Variants in TSEN15 observed in about 807,000 individuals in gnomAD.
TSEN15 encodes the protein tRNA-splicing endonuclease subunit Sen15.
A neutral mutation model predicts 20.5 loss-of-function variants in TSEN15; 10 were observed. The ratio of observed to expected loss-of-function variants is 0.49; its 90% CI spans 0.30 to 0.83. The LOEUF is 0.83. Ranked by LOEUF, TSEN15 falls within the 40% of genes least tolerant of loss-of-function variation. TSEN15 has a pLI of 0.06. For missense variants in TSEN15, 180 were observed against 218.6 expected, an observed-to-expected ratio of 0.82 and a Z score of 1.11; for synonymous variants, 72 against 80.1, an observed-to-expected ratio of 0.90 and a Z score of 0.54.
rs1224878206 is a variant in TSEN15 at position 184,054,871 on chromosome 1, G to C, written c.353+8G>C. 2 of 1,606,506 alleles carry C rather than the reference G, an allele frequency of 1.2e-6. No homozygotes were observed. The highest frequency in any genetic ancestry group is 3.4e-5 in the Admixed American group (2 of 58,500). ...TTCCCTCAGCCATAACAGGTGAGCA[G>C]GTGATTTTGGTCTAAGTTCCTTTCC... On this transcript the variant is annotated splice_region_variant and intron_variant, in intron 3 of 4. Transcript: ENST00000645668.
chr1:184,082,796 A>G (rs1405275593), intron 3 of TSEN15, among the ~76,000 whole-genome samples: 1 of 152,122 alleles, frequency 6.6e-6, no homozygotes, highest in East Asian at 1.9e-4. Context: ...GTTTTTGCCA[A>G]GATTTTAGAT....
At chr1:184,082,350 G>A (rs993717830) in intron 3 of TSEN15, among the ~76,000 whole-genome samples, 2 of 152,058 alleles carry the variant, frequency 1.3e-5, no homozygotes, top group Admixed American at 6.6e-5. Context: ...GGGACATGTT[G>A]GGGAACTTTC....
At chr1:184,060,698 G>GTC (rs1420237643) in intron 3 of TSEN15, among the ~76,000 whole-genome samples, 1 of 152,142 alleles carries the variant, frequency 6.6e-6, no homozygotes, top group African/African-American at 2.4e-5. Context: ...CATACAAAAA[G>GTC]CTGAGGTTAA....
chr1:184,093,175 A>G (rs141421096), intron 3 of TSEN15, among the ~76,000 whole-genome samples: 2 of 152,342 alleles, frequency 1.3e-5, no homozygotes, highest in African/African-American at 2.4e-5. Flanking sequence ...GGCAGCAAAA[A>G]GAGATGATAT....
At chr1:184,052,986 A>G (rs928111445) in intron 1 of TSEN15, among the ~76,000 whole-genome samples, 1 of 152,330 alleles carries the variant, frequency 6.6e-6, no homozygotes, top group Admixed American at 6.5e-5. Flanking sequence ...TACGGTTGTT[A>G]CAGGATTAAA....
chr1:184,078,546 G>C (rs1197329468), downstream of TSEN15, among the ~76,000 whole-genome samples: 1 of 152,040 alleles, frequency 6.6e-6, no homozygotes, highest in African/African-American at 2.4e-5. Flanking sequence ...TTCTTTTCTG[G>C]AGTCTCTAAT....
intron 4 of TSEN15, 113 bp downstream of exon 4, chr1:184,072,411 A>G: frequency 2.0e-6 from 2 of 1,012,428 alleles, no homozygotes; most frequent in Non-Finnish European, 2.7e-6. Flanking sequence ...CCATAGGGAA[A>G]ATTCAAGAAA....
At chr1:184,065,463 C>G (rs1640139314) in intron 3 of TSEN15, among the ~76,000 whole-genome samples, 1 of 152,154 alleles carries the variant, frequency 6.6e-6, no homozygotes, top group African/African-American at 2.4e-5. Flanking sequence ...TATTCATCAT[C>G]ACATACAGAA....
intron 3 of TSEN15, chr1:184,095,076 C>T (rs566490058): frequency 1.0e-4 from 40 of 398,658 alleles, no homozygotes; most frequent in East Asian, 5.0e-4. Flanking sequence ...GCTGAGACTG[C>T]GAGCTCTTGG....
intron 3 of TSEN15, among the ~76,000 whole-genome samples, chr1:184,086,513 C>T (rs1440450646): frequency 2.0e-5 from 3 of 152,182 alleles, no homozygotes; most frequent in African/African-American, 4.8e-5. Context: ...CTTTTTGGCT[C>T]AGGGTCTCTC....
intron 3 of TSEN15, chr1:184,095,310 C>A: frequency 2.5e-6 from 1 of 393,014 alleles, no homozygotes; most frequent in Non-Finnish European, 4.5e-6. Context: ...CCGCTAACAA[C>A]TTATTGTTGG....
chr1:184,058,149 A>T (rs751869576), intron 3 of TSEN15: 1 of 428,514 alleles, frequency 2.3e-6, no homozygotes, highest in South Asian at 1.7e-5. Context: ...GTTAATTTCT[A>T]GTATTTTCCA....
intron 1 of TSEN15, among the ~76,000 whole-genome samples, chr1:184,053,954 T>C (rs1458857596): frequency 4.6e-5 from 7 of 152,226 alleles, no homozygotes; most frequent in Non-Finnish European, 1.0e-4. Context: ...ATCCCACCTT[T>C]GTGTAATTAC....
At chr1:184,089,335 CTTGT>C in intron 3 of TSEN15, among the ~76,000 whole-genome samples, 1 of 152,152 alleles carries the variant, frequency 6.6e-6, no homozygotes, top group Middle Eastern at 3.4e-3. Context: ...TGTTTTCTTA[CTTGT>C]TTGTTTTTAT....
intron 3 of TSEN15, among the ~76,000 whole-genome samples, chr1:184,062,609 G>A (rs1305086875): frequency 6.6e-6 from 1 of 152,084 alleles, no homozygotes; most frequent in Admixed American, 6.6e-5. Flanking sequence ...TAGGATAATA[G>A]TATTACAATT....
downstream of TSEN15, among the ~76,000 whole-genome samples, chr1:184,077,461 A>G (rs1230302710): frequency 6.6e-6 from 1 of 152,176 alleles, no homozygotes; most frequent in African/African-American, 2.4e-5. Flanking sequence ...TGTTGCTTTC[A>G]TGCTTGTGAA....
At chr1:184,082,696 AC>A in intron 3 of TSEN15, among the ~76,000 whole-genome samples, 1 of 152,118 alleles carries the variant, frequency 6.6e-6, no homozygotes, top group East Asian at 1.9e-4. Context: ...TTTATCCCCA[AC>A]AGGTTTTTTC....
At chr1:184,052,184 C>A (rs1377390865) in intron 1 of TSEN15, among the ~76,000 whole-genome samples, 1 of 152,210 alleles carries the variant, frequency 6.6e-6, no homozygotes, top group Non-Finnish European at 1.5e-5. Context: ...GTTTTGCTGT[C>A]TAGGTAAATC....
chr1:184,051,791 C>T lies in TSEN15; in HGVS notation c.36C>T (p.Gly12=), dbSNP rs953562498. 118 of 1,523,146 alleles carry T rather than the reference C, an allele frequency of 7.7e-5. No individual in the cohort carries two copies. Among genetic ancestry groups the T allele is most frequent in the Non-Finnish European group, 9.8e-5 (111 of 1,135,936 alleles). 94.4% of individuals were successfully genotyped at this position (1,523,146 alleles called of 1,614,324 possible). A position where few individuals can be genotyped will look rare whatever the true frequency, so the allele number is the denominator to read the frequency against. Residue 12 remains glycine (G), a synonymous_variant, in exon 1 of 5, where the codon GGC becomes GGT. Transcript: ENST00000645668. ...EERGDSEPTP[G]CSGLGPGGVR... is the part of the protein sequence containing the mutation. The stretch of plus-strand genomic sequence containing the variant: ...GCGGCGATTCCGAGCCGACCCCCGG[C>T]TGCAGCGGCCTGGGTCCGGGCGGTG...
Sources: gnomAD v4.1 joint callset for allele counts (sites outside exome capture counted in the v4.1 genomes callset) on GRCh38, gnomAD v4.1.1 for gene constraint, MANE v1.5 for transcripts, NCBI Gene and HGNC (gene_info 2026-07-23, HGNC 2026-07-21) for gene names.